The following NF1 variants were observed in gnomAD, a reference collection of about 807,000 sequenced individuals.
The protein encoded by NF1 is neurofibromin.
NF1 carries 122 observed loss-of-function variants against 325.7 expected under a neutral mutation model. The observed-to-expected ratio is 0.37, with a 90% confidence interval of 0.32 to 0.44. NF1 has a LOEUF of 0.44. Ranked by LOEUF, NF1 falls within the 20% of genes least tolerant of loss-of-function variation. The pLI is 1.00. For missense variants in NF1, 2,140 were observed against 3,415.4 expected, an observed-to-expected ratio of 0.63 and a Z score of 9.31; for synonymous variants, 1,091 against 1,186.0, an observed-to-expected ratio of 0.92 and a Z score of 1.65.
At position 31,377,246 on chromosome 17, in the gene NF1, A is replaced by T. The variant is rs570154156; in HGVS notation, c.*3091A>T. 1 of 233,352 alleles carries T rather than the reference A, an allele frequency of 4.3e-6. No individual in the cohort carries two copies. Among genetic ancestry groups the T allele is most frequent in the Non-Finnish European group, 8.5e-6 (1 of 117,966 alleles). 14.5% of individuals were successfully genotyped at this position (233,352 alleles called of 1,614,324 possible). Reference sequence around the variant, plus strand: ...ATTTGACAAAAAAAGTATATTTACTATACTGTAAATATATGTGATGATATA... The same window carrying T: ...ATTTGACAAAAAAAGTATATTTACTTTACTGTAAATATATGTGATGATATA... On this transcript the variant is annotated 3_prime_UTR_variant, in exon 58 of 58. Coordinates refer to ENST00000358273, the MANE Select transcript of NF1 (RefSeq NM_001042492.3).
intron 12 of NF1, 73 bp from the exon 13 acceptor site, chr17:31,214,378 A>T (rs1469983293): frequency 1.6e-6 from 2 of 1,224,476 alleles, no homozygotes; most frequent in South Asian, 2.7e-5. Context: ...TTAATAATAA[A>T]TTTCTTTTAA....
chr17:31,127,748 C>T (rs7212264), intron 1 of NF1, among the ~76,000 whole-genome samples: 98,862 of 151,652 alleles, frequency 0.65, 32,550 homozygotes, highest in Middle Eastern at 0.82. Flanking sequence ...TGTGCTATTA[C>T]TGACTTATAT....
At chr17:31,286,854 C>T (rs181258674) in intron 36 of NF1, among the ~76,000 whole-genome samples, 181 of 152,264 alleles carry the variant, frequency 1.2e-3, no homozygotes, top group African/African-American at 4.1e-3. Context: ...TTTCTTCTTT[C>T]TCAATGGAAA....
At chr17:31,222,160 C>T in intron 15 of NF1, 3 of 1,250,642 alleles carry the variant, frequency 2.4e-6, no homozygotes, top group Non-Finnish European at 2.0e-6. Flanking sequence ...ATTTTGTCAC[C>T]CTAACATAAG....
chr17:31,320,293 T>C (rs1346482363), intron 36 of NF1: 2 of 1,198,648 alleles, frequency 1.7e-6, no homozygotes, highest in Admixed American at 2.7e-5. Flanking sequence ...TTAAGAACCC[T>C]ACGTATGCTA....
chr17:31,334,950 T>C lies in NF1; in HGVS notation c.5925T>C (p.Leu1975=), dbSNP rs375776474. 5.1e-5 allele frequency: 83 copies of C among 1,613,646 alleles called. No individual in the cohort carries two copies. The highest frequency in any genetic ancestry group is 6.3e-5 in the Non-Finnish European group (74 of 1,179,962). ...AACGACAAAGAGTTACTGCTATTCT[T>C]GACAAGCTGATAACAATGACCATCA... ...DAKRQRVTAI[L]DKLITMTINE... is the part of the protein sequence containing the mutation. Residue 1975 remains leucine (L), a synonymous_variant, in exon 40 of 58, where the codon CTT becomes CTC. Transcript: ENST00000358273.
At chr17:31,299,278 T>A (rs1209343316) in intron 36 of NF1, among the ~76,000 whole-genome samples, 2 of 107,000 alleles carry the variant, frequency 1.9e-5, no homozygotes, top group Non-Finnish European at 3.4e-5. Flanking sequence ...TAAAGTATAA[T>A]AAAAATAAAT....
chr17:31,143,818 T>TC (rs1354408961), intron 1 of NF1, among the ~76,000 whole-genome samples: 1 of 151,876 alleles, frequency 6.6e-6, no homozygotes, highest in African/African-American at 2.4e-5. Context: ...TCTTTTCTTT[T>TC]CTTTTTTTTG....
intron 57 of NF1, 100 bp downstream of exon 57, chr17:31,360,803 T>A: frequency 1.0e-6 from 1 of 996,496 alleles, no homozygotes; most frequent in Non-Finnish European, 1.6e-6. Context: ...TGCTCCTTTT[T>A]CTTATGAGAT....
At chr17:31,278,488 TGAAGC>T (rs2068053732) in intron 36 of NF1, among the ~76,000 whole-genome samples, 1 of 122,006 alleles carries the variant, frequency 8.2e-6, no homozygotes, top group Non-Finnish European at 1.7e-5. Flanking sequence ...CCTTGGTAAT[TGAAGC>T]TTTTTTTTTT....
intron 29 of NF1, among the ~76,000 whole-genome samples, chr17:31,240,218 T>G (rs1370609240): frequency 6.7e-6 from 1 of 149,030 alleles, no homozygotes; most frequent in African/African-American, 2.4e-5. Context: ...CGGTCTCCCC[T>G]TCCCCACCCC....
intron 11 of NF1, among the ~76,000 whole-genome samples, chr17:31,205,011 A>G (rs1412456682): frequency 6.6e-6 from 1 of 152,120 alleles, no homozygotes; most frequent in East Asian, 1.9e-4. Context: ...AAACAACCAT[A>G]CTGTCCCAAA....
chr17:31,295,410 G>T (rs892129360), intron 36 of NF1: 1 of 1,614,088 alleles, frequency 6.2e-7, no homozygotes. Context: ...TCCTTTGTTC[G>T]ATATTGTTTG....
rs1261582051 is a variant in NF1 at position 31,374,194 on chromosome 17, G to C, written c.*39G>C. 6.2e-7 allele frequency: 1 copy of C among 1,613,278 alleles called. No homozygotes were observed. Among genetic ancestry groups the C allele is most frequent in the Non-Finnish European group, 8.5e-7 (1 of 1,179,536 alleles). On this transcript the variant is annotated 3_prime_UTR_variant, in exon 58 of 58. Transcript: ENST00000358273. ...TCTTTTTTAAAATCAACTTAACATG[G>C]GCTCTTCACTAGTGACCCCTTCCCT...
At chr17:31,329,930 A>G (rs1048956250) in intron 38 of NF1, among the ~76,000 whole-genome samples, 1 of 152,156 alleles carries the variant, frequency 6.6e-6, no homozygotes, top group Non-Finnish European at 1.5e-5. Context: ...GCTTTGCTAA[A>G]AATGTATGGT....
chr17:31,168,472 G>A (rs913938301), intron 4 of NF1, among the ~76,000 whole-genome samples: 5 of 151,974 alleles, frequency 3.3e-5, no homozygotes, highest in Admixed American at 2.0e-4. Flanking sequence ...AATAGGATGC[G>A]TACTTTGGAA....
intron 36 of NF1, chr17:31,305,564 TC>T (rs2068696634): frequency 6.2e-7 from 1 of 1,614,010 alleles, no homozygotes; most frequent in Non-Finnish European, 8.5e-7. Context: ...AATGTATTGT[TC>T]AGGTGTCCAC....
chr17:31,322,129 A>AC (rs199689720), intron 36 of NF1, among the ~76,000 whole-genome samples: 9 of 148,322 alleles, frequency 6.1e-5, no homozygotes, highest in Non-Finnish European at 7.5e-5. Context: ...ACACACACAC[A>AC]ACTGTCAAAC....
intron 29 of NF1, among the ~76,000 whole-genome samples, chr17:31,243,376 C>T (rs540158087): frequency 6.6e-6 from 1 of 151,956 alleles, no homozygotes; most frequent in South Asian, 2.1e-4. Context: ...GCAAACCCAG[C>T]CAGGCTTGCG....
Sources: allele counts gnomAD v4.1 joint callset (sites outside exome capture counted in the v4.1 genomes callset), GRCh38; gene constraint gnomAD v4.1.1; transcripts MANE v1.5; gene names NCBI Gene and HGNC (gene_info 2026-07-23, HGNC 2026-07-21).